Variants in RANBP2 observed in about 807,000 individuals in gnomAD.
The protein encoded by RANBP2 is E3 SUMO-protein ligase RanBP2.
A neutral mutation model predicts 303.6 loss-of-function variants in RANBP2; 57 were observed. That is an observed-to-expected ratio of 0.19 (90% confidence interval 0.15 to 0.23). RANBP2 has a LOEUF of 0.23. Ranked by LOEUF, RANBP2 falls within the 10% of genes least tolerant of loss-of-function variation. RANBP2 has a pLI of 1.00. For missense variants in RANBP2, 3,138 were observed against 3,780.8 expected, an observed-to-expected ratio of 0.83 and a Z score of 4.46; for synonymous variants, 1,167 against 1,301.5, an observed-to-expected ratio of 0.90 and a Z score of 2.23.
the RANBP2 span, chr2:109,141,550 A>G: frequency 6.5e-6 from 1 of 154,888 alleles, no homozygotes; most frequent in Non-Finnish European, 1.5e-5. Context: ...AGGCTGACCA[A>G]TTCTTTACAG....
At chr2:108,903,718 C>G in the RANBP2 span, among the ~76,000 whole-genome samples, 2 of 152,064 alleles carry the variant, frequency 1.3e-5, no homozygotes, top group Admixed American at 1.3e-4. Context: ...GAACTTTGAC[C>G]CAAGTTTCAT....
the RANBP2 span, among the ~76,000 whole-genome samples, chr2:109,120,400 C>T: frequency 2.2e-3 from 334 of 152,320 alleles, 1 homozygote; most frequent in Non-Finnish European, 3.3e-3. Context: ...GCCACATTAG[C>T]CTCGCATACT....
chr2:109,303,122 C>T, the RANBP2 span, among the ~76,000 whole-genome samples: 189 of 152,306 alleles, frequency 1.2e-3, 1 homozygote, highest in African/African-American at 4.2e-3. Flanking sequence ...GTGATCCGTC[C>T]GCCTCAGCCT....
chr2:109,398,555 T>C, the RANBP2 span: 1 of 1,507,444 alleles, frequency 6.6e-7, no homozygotes, highest in African/African-American at 1.4e-5. Context: ...TGACCATGAT[T>C]TAATGCAGCC....
chr2:108,799,084 G>T, the RANBP2 span, among the ~76,000 whole-genome samples: 1,922 of 152,152 alleles, frequency 0.013, 50 homozygotes, highest in African/African-American at 0.045. Context: ...CAAGCAACTA[G>T]ACAAGATTCA....
At chr2:109,514,740 CTCT>C in the RANBP2 span, among the ~76,000 whole-genome samples, 2 of 152,178 alleles carry the variant, frequency 1.3e-5, no homozygotes, top group African/African-American at 4.8e-5. Flanking sequence ...GGTCTCTGGA[CTCT>C]TCTTGCAGCT....
chr2:109,434,796 GT>G, the RANBP2 span, among the ~76,000 whole-genome samples: 7 of 152,350 alleles, frequency 4.6e-5, no homozygotes, highest in East Asian at 9.6e-4. Context: ...CTCCAGCCTT[GT>G]TTACCTGGCT....
chr2:109,608,043 G>A, the RANBP2 span, among the ~76,000 whole-genome samples: 6 of 152,330 alleles, frequency 3.9e-5, 1 homozygote, highest in African/African-American at 1.4e-4. Flanking sequence ...TAATTTGTCA[G>A]TGAGAACATT....
the RANBP2 span, among the ~76,000 whole-genome samples, chr2:109,228,208 G>A: frequency 1.3e-5 from 2 of 152,096 alleles, no homozygotes; most frequent in African/African-American, 2.4e-5. Context: ...AATTCAATCG[G>A]CAGCCCTCCT....
chr2:108,728,472 T>C (rs1464686795), intron 1 of RANBP2, among the ~76,000 whole-genome samples: 1 of 152,044 alleles, frequency 6.6e-6, no homozygotes, highest in Non-Finnish European at 1.5e-5. Flanking sequence ...TTTTTCTCCC[T>C]GGAGACAGGA....
intron 7 of RANBP2, among the ~76,000 whole-genome samples, chr2:108,741,048 T>C (rs1188418949): frequency 6.6e-6 from 1 of 152,196 alleles, no homozygotes; most frequent in African/African-American, 2.4e-5. Flanking sequence ...TAAGTAGATG[T>C]AGGGCAATGG....
chr2:109,377,946 G>A, the RANBP2 span, among the ~76,000 whole-genome samples: 1 of 152,258 alleles, frequency 6.6e-6, no homozygotes, highest in African/African-American at 2.4e-5. Context: ...GATAGCTCGG[G>A]CATTGTTGTT....
chr2:108,839,782 TA>T, the RANBP2 span, among the ~76,000 whole-genome samples: 1 of 152,114 alleles, frequency 6.6e-6, no homozygotes, highest in African/African-American at 2.4e-5. Context: ...TCAGGATTTT[TA>T]CATAGAAAAT....
chr2:109,042,992 G>A, the RANBP2 span, among the ~76,000 whole-genome samples: 1 of 152,184 alleles, frequency 6.6e-6, no homozygotes, highest in Non-Finnish European at 1.5e-5. Flanking sequence ...CCCGAATTCT[G>A]TGGTCCACAT....
At chr2:108,920,419 C>T in the RANBP2 span, among the ~76,000 whole-genome samples, 2 of 152,328 alleles carry the variant, frequency 1.3e-5, no homozygotes, top group East Asian at 3.9e-4. Context: ...ATCACAGATC[C>T]CTTTATGCAG....
intron 7 of RANBP2, among the ~76,000 whole-genome samples, chr2:108,743,294 GCAGAGTCTCTTGT>G (rs1365599035): frequency 6.6e-6 from 1 of 152,102 alleles, no homozygotes; most frequent in Non-Finnish European, 1.5e-5. Context: ...GTTTTGGGAG[GCAGAGTCTCTTGT>G]TGCTCTGGCT....
the RANBP2 span, among the ~76,000 whole-genome samples, chr2:108,859,368 A>C: frequency 6.6e-6 from 1 of 152,074 alleles, no homozygotes; most frequent in Non-Finnish European, 1.5e-5. Context: ...CTCTGTTGAT[A>C]GTTTCTTTTG....
chr2:108,782,102 A>G, intron 26 of RANBP2, 26 bp from the exon 27 acceptor site: 2 of 1,612,224 alleles, frequency 1.2e-6, no homozygotes, highest in Non-Finnish European at 1.7e-6. Context: ...GCAGCAGCTT[A>G]TAGAGAATTT....
At chr2:109,021,189 GT>G in the RANBP2 span, among the ~76,000 whole-genome samples, 2 of 152,204 alleles carry the variant, frequency 1.3e-5, no homozygotes, top group South Asian at 4.1e-4. Context: ...TGCTCACCAA[GT>G]GATAAGCAAC....
Sources: gnomAD v4.1 joint callset for allele counts (sites outside exome capture counted in the v4.1 genomes callset) on GRCh38, gnomAD v4.1.1 for gene constraint, MANE v1.5 for transcripts, NCBI Gene and HGNC (gene_info 2026-07-23, HGNC 2026-07-21) for gene names.